The following CACNA1C variants were observed in gnomAD, a reference collection of about 807,000 sequenced individuals.
CACNA1C encodes calcium voltage-gated channel subunit alpha1 C.
CACNA1C carries 30 observed loss-of-function variants against 229.0 expected under a neutral mutation model. The observed-to-expected ratio is 0.13, with a 90% confidence interval of 0.10 to 0.18. The LOEUF (loss-of-function observed/expected upper bound fraction) is 0.18, where lower values mean the gene tolerates loss of function less well. Among genes scored for constraint, CACNA1C ranks in the 10% least tolerant of loss-of-function variants. The pLI is 1.00. For missense variants in CACNA1C, 1,658 were observed against 2,845.0 expected (o/e 0.58, Z 9.49); for synonymous variants, 1,114 against 1,132.5 (o/e 0.98, Z 0.33).
intron 3 of CACNA1C, among the ~76,000 whole-genome samples, chr12:2,421,084 T>C (rs2098974018): frequency 6.6e-6 from 1 of 152,256 alleles, no homozygotes; most frequent in Admixed American, 6.5e-5. Flanking sequence ...TTTCATTTGC[T>C]GTTACATAAA....
At chr12:2,356,964 G>C (rs2097385283) in intron 3 of CACNA1C, among the ~76,000 whole-genome samples, 1 of 152,186 alleles carries the variant, frequency 6.6e-6, no homozygotes, top group South Asian at 2.1e-4. Flanking sequence ...GAGTGCTGCA[G>C]CATCCTTTCT....
At chr12:2,141,311 C>A (rs944850720) in intron 3 of CACNA1C, among the ~76,000 whole-genome samples, 1 of 151,112 alleles carries the variant, frequency 6.6e-6, no homozygotes. Context: ...CAGAGATAGG[C>A]GAGGGTTACG....
chr12:2,493,133 G>T lies in CACNA1C; in HGVS notation c.917-57G>T. The T allele has an allele frequency of 6.8e-7, 1 of 1,460,588 alleles. No homozygotes were observed. The highest frequency in any genetic ancestry group is 1.7e-5 in the Admixed American group (1 of 57,904). The allele number at this position is 1,460,588 out of a possible 1,614,324, so 90.5% of individuals were successfully genotyped here. A position where few individuals can be genotyped will look rare whatever the true frequency, so the allele number is the denominator to read the frequency against. ...ACTTTTCTCTCTGACTTCTTTCTCT[G>T]CCCACATCTCTCCCTCCCTGCTGCT... On this transcript the variant is annotated intron_variant, in intron 6 of 46. Coordinates refer to ENST00000399655, the MANE Select transcript of CACNA1C (RefSeq NM_000719.7). The surrounding 1 kb of genome is among the most constrained non-coding windows in gnomAD (Gnocchi z 4.6).
chr12:2,330,750 T>C (rs986604223), intron 3 of CACNA1C, among the ~76,000 whole-genome samples: 1 of 152,226 alleles, frequency 6.6e-6, no homozygotes, highest in African/African-American at 2.4e-5. Flanking sequence ...AAGGATTATA[T>C]AATAAATGGT....
rs557389566 is a variant in CACNA1C at position 2,167,665 on chromosome 12, T to C, written c.477+47235T>C. On this transcript the variant is annotated intron_variant, in intron 3 of 46. Transcript: ENST00000399655. ...GTCAGCCACAGATTTGGATGGAGTT[T>C]ATATGCAGAATTTGGAGCATCCCTT... Among the ~76,000 whole-genome samples the C allele has an allele frequency of 1.6e-4, 24 of 152,348 alleles. No homozygotes were observed. The South Asian group carries it at 3.9e-3, about 25-fold the overall frequency.
At chr12:2,360,331 G>T (rs4765675) in intron 3 of CACNA1C, among the ~76,000 whole-genome samples, 98,397 of 151,936 alleles carry the variant, frequency 0.65, 32,239 homozygotes, top group African/African-American at 0.76. Context: ...CCACTGCCCG[G>T]GAGCTGCTCA....
At chr12:2,241,736 G>T (rs911289426) in intron 3 of CACNA1C, among the ~76,000 whole-genome samples, 2 of 152,156 alleles carry the variant, frequency 1.3e-5, no homozygotes, top group Non-Finnish European at 2.9e-5. Context: ...CATTCATGGG[G>T]GAATTTTGTG....
chr12:2,309,509 A>G (rs1831162330), intron 3 of CACNA1C, among the ~76,000 whole-genome samples: 1 of 152,228 alleles, frequency 6.6e-6, no homozygotes, highest in Admixed American at 6.5e-5. Flanking sequence ...ACACACACAC[A>G]CACACAGAGG....
intron 10 of CACNA1C, among the ~76,000 whole-genome samples, chr12:2,555,879 G>A (rs894508792): frequency 6.6e-6 from 1 of 152,136 alleles, no homozygotes; most frequent in Non-Finnish European, 1.5e-5. Context: ...GTGCCGCGCT[G>A]GGACGTCGCA....
intron 3 of CACNA1C, among the ~76,000 whole-genome samples, chr12:2,247,715 GTTC>G (rs1175865352): frequency 6.6e-6 from 1 of 152,204 alleles, no homozygotes; most frequent in African/African-American, 2.4e-5. Flanking sequence ...TTAATCACTT[GTTC>G]TTTTTCCTTC....
chr12:2,073,216 A>T (rs950329742), intron 1 of CACNA1C, among the ~76,000 whole-genome samples: 2 of 152,218 alleles, frequency 1.3e-5, no homozygotes, highest in Non-Finnish European at 2.9e-5. Flanking sequence ...GGTCCAACAG[A>T]TCAGCAGCTT....
At chr12:2,060,364 C>T (rs947320692) in intron 1 of CACNA1C, among the ~76,000 whole-genome samples, 3 of 152,272 alleles carry the variant, frequency 2.0e-5, no homozygotes, top group East Asian at 3.9e-4. Context: ...CTGAGCTGGG[C>T]GACCAAGGGC....
At chr12:2,136,387 G>T (rs1478996886) in intron 3 of CACNA1C, among the ~76,000 whole-genome samples, 1 of 151,370 alleles carries the variant, frequency 6.6e-6, no homozygotes, top group African/African-American at 2.4e-5. Context: ...GAACTAACTT[G>T]CCCAAGTTTG....
intron 3 of CACNA1C, among the ~76,000 whole-genome samples, chr12:2,121,412 T>C (rs138370140): frequency 9.6e-4 from 147 of 152,352 alleles, no homozygotes; most frequent in African/African-American, 3.5e-3. Context: ...CTTTGACATT[T>C]TCTTGGGCCC....
chr12:2,615,601 C>T (rs1018942673), intron 29 of CACNA1C, among the ~76,000 whole-genome samples: 14 of 12,038 alleles, frequency 1.2e-3, no homozygotes, highest in African/African-American at 1.2e-3. Context: ...GGGAGCCACA[C>T]GTAAATCCTT....
In CACNA1C at chr12:2,602,633, TGTGTGTGTGTGTG is replaced by T. The variant is rs2073218980; in HGVS notation, c.2960+674_2960+686del. 9.4e-5 allele frequency among the ~76,000 whole-genome samples: 2 copies of T among 21,196 alleles called. No homozygotes were observed. Among genetic ancestry groups the T allele is most frequent in the South Asian group, 9.0e-4 (1 of 1,106 alleles). 13.9% of individuals were successfully genotyped at this position (21,196 alleles called of 152,430 possible). ...TGTGACTGTGTATATTTGTGTCTTG[TGTGTGTGTGTGTG>T]TGTGTGTGTGTGTGTGTGTGTGTGA... is the stretch of plus-strand genomic sequence containing the variant. On this transcript the variant is annotated intron_variant, in intron 22 of 46. Coordinates refer to ENST00000399655, the MANE Select transcript of CACNA1C (RefSeq NM_000719.7). The surrounding 1 kb of genome is among the most constrained non-coding windows in gnomAD (Gnocchi z 4.4).
In CACNA1C at chr12:2,434,544, C is replaced by A. The variant is rs1300587306; in HGVS notation, c.478-14432C>A. ...ATTTGTCTCCTTCCAGCGCCGTGGA[C>A]GTCCCACTACACTGGGATGCCTTCT... On this transcript the variant is annotated intron_variant, in intron 3 of 46. Transcript: ENST00000399655. Among the ~76,000 whole-genome samples the A allele has an allele frequency of 2.0e-5, 3 of 152,312 alleles. No individual in the cohort carries two copies. The South Asian group carries it at 6.2e-4, about 32-fold the overall frequency.
chr12:2,433,482 T>C (rs1020205429), intron 3 of CACNA1C, among the ~76,000 whole-genome samples: 2 of 152,220 alleles, frequency 1.3e-5, no homozygotes, highest in African/African-American at 4.8e-5. Context: ...CATCCATTCA[T>C]CCACCCATTC....
At chr12:2,534,078 G>A (rs903698848) in intron 9 of CACNA1C, among the ~76,000 whole-genome samples, 1 of 152,148 alleles carries the variant, frequency 6.6e-6, no homozygotes, top group Non-Finnish European at 1.5e-5. Flanking sequence ...AGGGTAGGTA[G>A]GAAGGCTTTT....
Sources: allele counts gnomAD v4.1 joint callset (sites outside exome capture counted in the v4.1 genomes callset), GRCh38; gene constraint gnomAD v4.1.1; non-coding constraint Gnocchi (gnomAD v3.1); transcripts MANE v1.5; gene names NCBI Gene and HGNC (gene_info 2026-07-23, HGNC 2026-07-21).